The following AOPEP variants were observed in gnomAD, a reference collection of about 807,000 sequenced individuals.
The protein encoded by AOPEP is aminopeptidase O.
Under a neutral mutation model 98.1 loss-of-function variants are expected in AOPEP, and 77 were observed. The ratio of observed to expected loss-of-function variants is 0.78; its 90% confidence interval spans 0.65 to 0.95. The LOEUF is 0.95. AOPEP is among the 40% of genes least tolerant of loss of function. The pLI, the probability that AOPEP is intolerant of heterozygous loss-of-function variation, is 0.00. For synonymous variants in AOPEP, 346 were observed against 365.3 expected, an observed-to-expected ratio of 0.95 and a Z score of 0.60; for missense variants, 1,024 against 1,024.7, an observed-to-expected ratio of 1.00 and a Z score of 0.01.
intron 3 of AOPEP, among the ~76,000 whole-genome samples, chr9:94,785,401 G>A (rs549433803): frequency 2.0e-5 from 3 of 152,222 alleles, no homozygotes; most frequent in Non-Finnish European, 4.4e-5. Flanking sequence ...TACGTCATAC[G>A]ATACATGTAT....
At chr9:94,914,054 A>G (rs1031966302) in intron 5 of AOPEP, among the ~76,000 whole-genome samples, 4 of 152,256 alleles carry the variant, frequency 2.6e-5, no homozygotes, top group African/African-American at 7.2e-5. Context: ...GAAAAACTAA[A>G]CAAAACAGCT....
At chr9:95,007,443 G>A (rs2062118662) in intron 13 of AOPEP, among the ~76,000 whole-genome samples, 1 of 152,080 alleles carries the variant, frequency 6.6e-6, no homozygotes, top group East Asian at 1.9e-4. Flanking sequence ...TTGCCCAACC[G>A]TTTCCTCTTG....
At chr9:94,811,759 G>A (rs529467772) in intron 5 of AOPEP, among the ~76,000 whole-genome samples, 229 of 152,252 alleles carry the variant, frequency 1.5e-3, no homozygotes, top group African/African-American at 5.3e-3. Flanking sequence ...CCCCAGAGGC[G>A]GCATCTCCTC....
At chr9:94,808,631 A>G (rs887337606) in intron 5 of AOPEP, among the ~76,000 whole-genome samples, 1 of 152,222 alleles carries the variant, frequency 6.6e-6, no homozygotes, top group Admixed American at 6.5e-5. Flanking sequence ...TGAACAAACC[A>G]AATCTGCTCC....
chr9:94,928,698 C>T (rs914865018), intron 7 of AOPEP, 167 bp downstream of exon 7: 2 of 545,992 alleles, frequency 3.7e-6, no homozygotes, highest in Non-Finnish European at 6.4e-6. Context: ...TCAGGGCATG[C>T]GTTTCGATTT....
At chr9:94,821,578 C>T in intron 5 of AOPEP, among the ~76,000 whole-genome samples, 1 of 152,182 alleles carries the variant, frequency 6.6e-6, no homozygotes, top group East Asian at 1.9e-4. Context: ...GTTTGAATTT[C>T]CAGGCTCCTC....
chr9:94,994,578 A>G (rs2061103873), intron 11 of AOPEP, among the ~76,000 whole-genome samples: 1 of 152,222 alleles, frequency 6.6e-6, no homozygotes. Context: ...TTTTAAATGC[A>G]TGTAGCTCTG....
chr9:94,836,527 T>TTATGCACA (rs1233220488), intron 5 of AOPEP, among the ~76,000 whole-genome samples: 3 of 152,324 alleles, frequency 2.0e-5, no homozygotes, highest in African/African-American at 7.2e-5. Flanking sequence ...TTCAGGTCAT[T>TTATGCACA]TATGCACATT....
chr9:95,135,644 T>G, the AOPEP span: 2 of 692,022 alleles, frequency 2.9e-6, no homozygotes, highest in Non-Finnish European at 5.0e-6. Context: ...ATTTATAGAA[T>G]CAGTGAATAT....
intron 13 of AOPEP, among the ~76,000 whole-genome samples, chr9:95,011,995 G>A (rs1377175005): frequency 6.6e-6 from 1 of 152,080 alleles, no homozygotes; most frequent in African/African-American, 2.4e-5. Context: ...TATCATAATA[G>A]CTAACATTTC....
At chr9:94,910,466 T>C (rs1009134978) in intron 5 of AOPEP, among the ~76,000 whole-genome samples, 3 of 152,196 alleles carry the variant, frequency 2.0e-5, no homozygotes, top group Non-Finnish European at 4.4e-5. Context: ...GCGGATCTTC[T>C]TGGGCTCCCT....
chr9:94,858,264 G>T (rs1042223807), intron 5 of AOPEP, among the ~76,000 whole-genome samples: 1 of 152,166 alleles, frequency 6.6e-6, no homozygotes, highest in Non-Finnish European at 1.5e-5. Context: ...TACAGATGGG[G>T]GAAGTAGGGA....
chr9:94,862,894 A>G (rs2045223421), intron 5 of AOPEP, among the ~76,000 whole-genome samples: 1 of 152,228 alleles, frequency 6.6e-6, no homozygotes, highest in Admixed American at 6.5e-5. Flanking sequence ...AATTCTCGGG[A>G]CAAAGTATAT....
At chr9:94,907,732 A>G (rs1393590816) in intron 5 of AOPEP, among the ~76,000 whole-genome samples, 1 of 152,148 alleles carries the variant, frequency 6.6e-6, no homozygotes, top group Non-Finnish European at 1.5e-5. Flanking sequence ...TCTTCAGACT[A>G]GAATTCGAGG....
downstream of AOPEP, among the ~76,000 whole-genome samples, chr9:95,091,402 CAG>C (rs2070865093): frequency 2.0e-5 from 3 of 152,198 alleles, no homozygotes; most frequent in African/African-American, 7.2e-5. Flanking sequence ...GGCACTTTGT[CAG>C]GGGTTCACAT....
At chr9:94,746,777 T>C (rs1279038878) in intron 1 of AOPEP, among the ~76,000 whole-genome samples, 2 of 152,010 alleles carry the variant, frequency 1.3e-5, no homozygotes, top group African/African-American at 2.4e-5. Flanking sequence ...GAAGCCAGAG[T>C]TCATCACATC....
the AOPEP span, chr9:95,123,589 C>A: frequency 1.7e-6 from 1 of 585,438 alleles, no homozygotes; most frequent in Non-Finnish European, 3.3e-6. Context: ...CTATTTGCGA[C>A]ACGAACTGTG....
chr9:95,079,955 C>T (rs2069548312), intron 14 of AOPEP, among the ~76,000 whole-genome samples: 1 of 152,106 alleles, frequency 6.6e-6, no homozygotes, highest in Non-Finnish European at 1.5e-5. Flanking sequence ...GCAGTGTCTC[C>T]GCCTCTTACT....
rs762558478 is a variant in AOPEP, at chr9:94,773,182, G to A, written c.964+14G>A. On this transcript the variant is annotated intron_variant, in intron 3 of 16. Transcript: ENST00000375315. ...AGCTTTGGGAAGGTACTGTACATGTGTTCTTTGCTTATTTATGTATTGCAC... is the reference window on the plus strand; with the variant it reads ...AGCTTTGGGAAGGTACTGTACATGTATTCTTTGCTTATTTATGTATTGCAC... 3 of 1,604,936 alleles carry A rather than the reference G, an allele frequency of 1.9e-6. No individual in the cohort carries two copies. Among genetic ancestry groups the A allele is most frequent in the Middle Eastern group, 1.7e-4 (1 of 6,022 alleles).
Sources: allele counts gnomAD v4.1 joint callset (sites outside exome capture counted in the v4.1 genomes callset), GRCh38; gene constraint gnomAD v4.1.1; transcripts MANE v1.5; gene names NCBI Gene and HGNC (gene_info 2026-07-23, HGNC 2026-07-21).